The following GFRA1 variants were observed in gnomAD, a reference collection of about 807,000 sequenced individuals.
GFRA1 encodes GDNF family receptor alpha 1.
In GFRA1, 16 loss-of-function variants were observed where a neutral mutation model predicts 51.6. The observed-to-expected ratio is 0.31, with a 90% CI of 0.21 to 0.47. The LOEUF is 0.47. GFRA1 is among the 20% of genes least tolerant of loss of function. The pLI is 1.00. For missense variants in GFRA1, 530 were observed against 594.3 expected (o/e 0.89, Z 1.13); for synonymous variants, 270 against 241.3 (o/e 1.12, Z -1.10).
intron 6 of GFRA1, among the ~76,000 whole-genome samples, chr10:116,122,855 G>A (rs1466085040): frequency 6.6e-6 from 1 of 152,138 alleles, no homozygotes; most frequent in African/African-American, 2.4e-5. Flanking sequence ...CTTGAGGCAG[G>A]AACAAAAGCC....
chr10:116,138,166 A>G (rs748711273), intron 5 of GFRA1, among the ~76,000 whole-genome samples: 5 of 152,076 alleles, frequency 3.3e-5, no homozygotes, highest in Non-Finnish European at 2.9e-5. Context: ...TTGGGTTAAT[A>G]AAACTTTGCT....
At chr10:116,203,601 C>A (rs528246722) in intron 5 of GFRA1, among the ~76,000 whole-genome samples, 1 of 152,314 alleles carries the variant, frequency 6.6e-6, no homozygotes, top group Non-Finnish European at 1.5e-5. Context: ...CCCAAACAGA[C>A]AAACATGCTC....
chr10:116,193,016 A>G (rs893990404), intron 5 of GFRA1, among the ~76,000 whole-genome samples: 60 of 152,208 alleles, frequency 3.9e-4, no homozygotes, highest in African/African-American at 1.3e-3. Context: ...AGGCCCCTCC[A>G]CACACACAGC....
chr10:116,208,579 G>C (rs1041845996), intron 5 of GFRA1, among the ~76,000 whole-genome samples: 8 of 152,182 alleles, frequency 5.3e-5, no homozygotes, highest in African/African-American at 1.7e-4. Flanking sequence ...TCTGGGCTCA[G>C]AGTCTTCAAG....
intron 9 of GFRA1, among the ~76,000 whole-genome samples, chr10:116,084,768 A>T (rs1280613697): frequency 3.1e-5 from 1 of 32,442 alleles, no homozygotes; most frequent in African/African-American, 3.5e-4. Context: ...AGTAACACAC[A>T]CACACACACA....
intron 5 of GFRA1, among the ~76,000 whole-genome samples, chr10:116,203,069 T>G (rs1268889957): frequency 1.3e-5 from 2 of 152,068 alleles, no homozygotes; most frequent in East Asian, 3.9e-4. Flanking sequence ...TGAAGGCAGG[T>G]ATCAGGGCTC....
chr10:116,072,033 G>T (rs1430329953), intron 9 of GFRA1, among the ~76,000 whole-genome samples: 1 of 151,504 alleles, frequency 6.6e-6, no homozygotes, highest in Non-Finnish European at 1.5e-5. Context: ...AATTGCACTC[G>T]GTCCTTTATA....
At chr10:116,141,822 G>T (rs1423990489) in intron 5 of GFRA1, among the ~76,000 whole-genome samples, 8 of 152,090 alleles carry the variant, frequency 5.3e-5, no homozygotes, top group Non-Finnish European at 8.8e-5. Context: ...GACCTCAGGG[G>T]ATCCACCCAT....
intron 5 of GFRA1, among the ~76,000 whole-genome samples, chr10:116,180,618 C>T (rs1316226162): frequency 6.6e-6 from 1 of 152,136 alleles, no homozygotes; most frequent in African/African-American, 2.4e-5. Context: ...CCTATCCTCA[C>T]TTCCTAGATT....
At position 116,254,332 on chromosome 10, in the gene GFRA1, A is replaced by AG. The variant is rs1555173301; in HGVS notation, c.418+15170_418+15171insC. Among the ~76,000 whole-genome samples the AG allele has an allele frequency of 2.3e-4, 35 of 149,736 alleles. No homozygotes were observed. In the East Asian group the frequency reaches 2.3e-3, roughly 10 times the overall value. On this transcript the variant is annotated intron_variant, in intron 4 of 10. Transcript: ENST00000355422. Reference sequence around the variant, plus strand: ...GAGAGCCTCTGTCAAAAAAAAAAAAAAAAGAAAGAAAGAAAGAAAAGAAAA... The same window carrying AG: ...GAGAGCCTCTGTCAAAAAAAAAAAAAGAAAGAAAGAAAGAAAGAAAAGAAAA...
chr10:116,109,255 G>A (rs55774149), intron 6 of GFRA1, among the ~76,000 whole-genome samples: 5,557 of 152,100 alleles, frequency 0.037, 261 homozygotes, highest in East Asian at 0.2. Flanking sequence ...ATACGCACCC[G>A]CACAGCACTG....
chr10:116,066,893 G>C (rs1464770130), intron 9 of GFRA1, among the ~76,000 whole-genome samples: 1 of 152,228 alleles, frequency 6.6e-6, no homozygotes, highest in African/African-American at 2.4e-5. Flanking sequence ...GCACTGGCAG[G>C]CTGCCTGTTG....
intron 5 of GFRA1, among the ~76,000 whole-genome samples, chr10:116,135,334 A>C (rs1433163030): frequency 6.6e-6 from 1 of 152,244 alleles, no homozygotes; most frequent in East Asian, 1.9e-4. Flanking sequence ...TCTCGGGTTC[A>C]TAAATATTTA....
chr10:116,121,510 T>G (rs1427094034), intron 6 of GFRA1, among the ~76,000 whole-genome samples: 2 of 152,186 alleles, frequency 1.3e-5, no homozygotes, highest in East Asian at 3.9e-4. Context: ...TCCCATCTGT[T>G]TGAAGGCATG....
At position 116,065,987 on chromosome 10, in the gene GFRA1, C is replaced by A. The variant is rs114153787; in HGVS notation, c.1198-361G>T. On this transcript the variant is annotated intron_variant, in intron 9 of 10. Transcript: ENST00000355422. ...AGCCAAGTGGCTCCTGAAGGAGCAG[C>A]CCAGGACTAGGTTACTAAAGAAAAC... Among the ~76,000 whole-genome samples the A allele has an allele frequency of 4.5e-3, 686 of 152,242 alleles. 5 individuals carry two copies. The highest frequency in any genetic ancestry group is 0.016 in the African/African-American group (653 of 41,534).
intron 4 of GFRA1, among the ~76,000 whole-genome samples, chr10:116,239,503 A>G (rs1346188856): frequency 6.6e-6 from 1 of 152,194 alleles, no homozygotes; most frequent in African/African-American, 2.4e-5. Context: ...TTGTTATTCT[A>G]CCCACAGCAA....
At chr10:116,247,676 C>G (rs192699819) in intron 4 of GFRA1, among the ~76,000 whole-genome samples, 2 of 152,320 alleles carry the variant, frequency 1.3e-5, no homozygotes, top group Middle Eastern at 3.4e-3. Flanking sequence ...AGCTTGGGAA[C>G]TTCATTTCAC....
At chr10:116,261,056 C>T (rs938609162) in intron 4 of GFRA1, among the ~76,000 whole-genome samples, 1 of 152,172 alleles carries the variant, frequency 6.6e-6, no homozygotes, top group African/African-American at 2.4e-5. Flanking sequence ...TGTTCCAAAA[C>T]AATGAACAAC....
At chr10:116,228,182 C>T (rs1400200326) in intron 4 of GFRA1, among the ~76,000 whole-genome samples, 1 of 152,174 alleles carries the variant, frequency 6.6e-6, no homozygotes, top group African/African-American at 2.4e-5. Flanking sequence ...ATCTCCCGGG[C>T]CTGGTAGTCA....
Sources: allele counts gnomAD v4.1 joint callset (sites outside exome capture counted in the v4.1 genomes callset), GRCh38; gene constraint gnomAD v4.1.1; transcripts MANE v1.5; gene names NCBI Gene and HGNC (gene_info 2026-07-23, HGNC 2026-07-21).